HSPB8: variants seen among roughly 807,000 people sequenced by gnomAD.
HSPB8 encodes heat shock protein family B (small) member 8.
In HSPB8, 9 loss-of-function variants were observed where a neutral mutation model predicts 16.5. The ratio of observed to expected loss-of-function variants is 0.55; its 90% CI spans 0.33 to 0.95. The LOEUF (loss-of-function observed/expected upper bound fraction) is 0.95. Ranked by LOEUF, HSPB8 falls within the 40% of genes least tolerant of loss-of-function variation. The pLI is 0.03. For missense variants in HSPB8, 238 were observed against 251.2 expected (o/e 0.95, Z 0.35); for synonymous variants, 99 against 94.8 (o/e 1.04, Z -0.26).
intron 2 of HSPB8, among the ~76,000 whole-genome samples, chr12:119,188,171 C>T (rs1484173312): frequency 1.3e-5 from 2 of 151,944 alleles, no homozygotes; most frequent in East Asian, 3.8e-4. Flanking sequence ...TCATACATAC[C>T]TTCTCCCTAA....
At chr12:119,181,656 C>T (rs558523202) in intron 1 of HSPB8, among the ~76,000 whole-genome samples, 1 of 152,070 alleles carries the variant, frequency 6.6e-6, no homozygotes, top group South Asian at 2.1e-4. Flanking sequence ...TGTCAGGCAT[C>T]CAGGAAGGCC....
chr12:119,183,833 C>T (rs1333166961), intron 1 of HSPB8, among the ~76,000 whole-genome samples: 1 of 152,164 alleles, frequency 6.6e-6, no homozygotes, highest in Non-Finnish European at 1.5e-5. Context: ...TCCCTTCCCT[C>T]ACCCCAATAC....
chr12:119,181,017 T>A (rs1367989819), intron 1 of HSPB8, among the ~76,000 whole-genome samples: 2 of 152,216 alleles, frequency 1.3e-5, no homozygotes, highest in African/African-American at 2.4e-5. Flanking sequence ...ACCAGCAGGA[T>A]GTGCAAATTA....
At chr12:119,187,878 A>G (rs1954686663) in intron 2 of HSPB8, among the ~76,000 whole-genome samples, 1 of 152,208 alleles carries the variant, frequency 6.6e-6, no homozygotes, top group Non-Finnish European at 1.5e-5. Context: ...TAGGGCATCC[A>G]CAAAAATGAA....
intron 2 of HSPB8, among the ~76,000 whole-genome samples, chr12:119,191,426 C>A (rs975918674): frequency 5.9e-5 from 9 of 152,130 alleles, no homozygotes; most frequent in African/African-American, 2.2e-4. Context: ...GACTTTGTCT[C>A]CGCTTCAAAA....
intron 2 of HSPB8, 121 bp from the exon 3 acceptor site, chr12:119,193,578 C>A: frequency 1.9e-6 from 2 of 1,075,310 alleles, no homozygotes; most frequent in African/African-American, 1.6e-5. Context: ...AGGATTCAAA[C>A]CCAACATTGT....
chr12:119,191,034 T>C (rs984918298), intron 2 of HSPB8, among the ~76,000 whole-genome samples: 8 of 152,320 alleles, frequency 5.3e-5, no homozygotes, highest in East Asian at 1.9e-4. Context: ...AGCATTGTCA[T>C]GGACAATCAG....
At chr12:119,188,343 T>A (rs3782919) in intron 2 of HSPB8, among the ~76,000 whole-genome samples, 9,774 of 150,108 alleles carry the variant, frequency 0.065, 421 homozygotes, top group East Asian at 0.22. Context: ...GCCTCCTGGG[T>A]TCAAGCAATT....
At position 119,179,697 on chromosome 12, in the gene HSPB8, G is replaced by T; in HGVS notation, c.367+18G>T. ...GGTGTCTGGTAAGTCAGGGGCAGGA[G>T]GGAGAGAGAATGGGGAGGCCGGGAT... On this transcript the variant is annotated intron_variant, in intron 1 of 2. Coordinates refer to ENST00000281938, the MANE Select transcript of HSPB8 (RefSeq NM_014365.3). 2 of 1,558,054 alleles carry T rather than the reference G, an allele frequency of 1.3e-6. No individual in the cohort carries two copies. The highest frequency in any genetic ancestry group is 2.0e-5 in the Admixed American group (1 of 50,530).
At chr12:119,192,394 C>T (rs1036663028) in intron 2 of HSPB8, among the ~76,000 whole-genome samples, 24 of 152,192 alleles carry the variant, frequency 1.6e-4, no homozygotes, top group Middle Eastern at 3.4e-3. Flanking sequence ...CGGTGGCTCA[C>T]GCCTGTTATC....
chr12:119,189,977 C>T (rs1355777699), intron 2 of HSPB8, among the ~76,000 whole-genome samples: 2 of 152,164 alleles, frequency 1.3e-5, no homozygotes, highest in East Asian at 3.9e-4. Flanking sequence ...TTTTGAATCT[C>T]AGCTCCGGGT....
chr12:119,191,974 T>A (rs1954715269), intron 2 of HSPB8, among the ~76,000 whole-genome samples: 2 of 152,182 alleles, frequency 1.3e-5, no homozygotes, highest in South Asian at 4.2e-4. Context: ...GGGATTATTG[T>A]TAACACCAAA....
chr12:119,183,795 T>C (rs577325472), intron 1 of HSPB8, among the ~76,000 whole-genome samples: 7 of 152,248 alleles, frequency 4.6e-5, no homozygotes, highest in Admixed American at 4.6e-4. Flanking sequence ...CTTTTGGAAA[T>C]CTTGGAGCTT....
At position 119,179,151 on chromosome 12, in the gene HSPB8, A is replaced by G; in HGVS notation, c.-162A>G. 1 of 752,360 alleles carries G rather than the reference A, an allele frequency of 1.3e-6. No homozygotes were observed. The highest frequency in any genetic ancestry group is 1.5e-5 in the South Asian group (1 of 66,260). The allele number at this position is 752,360 out of a possible 1,614,324, so 46.6% of individuals were successfully genotyped here. The stretch of plus-strand genomic sequence containing the variant: ...GCTGGGACCCCAGTCGAGGGGACAC[A>G]ACCGTCCCTGGCAGTGGTTGGTTCT... On this transcript the variant is annotated 5_prime_UTR_variant, in exon 1 of 3. Transcript: ENST00000281938.
intron 2 of HSPB8, among the ~76,000 whole-genome samples, chr12:119,188,232 T>C (rs1026051667): frequency 2.2e-5 from 3 of 138,860 alleles, no homozygotes; most frequent in Middle Eastern, 3.7e-3. Context: ...CTAAACTCTC[T>C]CTCTCTCTCT....
intron 1 of HSPB8, among the ~76,000 whole-genome samples, chr12:119,180,865 G>C (rs780760727): frequency 6.6e-6 from 1 of 152,118 alleles, no homozygotes. Flanking sequence ...AGCCAGTCCT[G>C]GTAGAATTAT....
At chr12:119,186,646 A>G (rs1164991098) in intron 1 of HSPB8, among the ~76,000 whole-genome samples, 2 of 152,268 alleles carry the variant, frequency 1.3e-5, no homozygotes, top group East Asian at 3.9e-4. Flanking sequence ...GGGATGTCAG[A>G]CCCAGGGTTC....
At chr12:119,183,742 C>T (rs111699933) in intron 1 of HSPB8, among the ~76,000 whole-genome samples, 3 of 152,278 alleles carry the variant, frequency 2.0e-5, no homozygotes, top group African/African-American at 4.8e-5. Context: ...ATCCTCCTAG[C>T]AACACTCTCT....
At chr12:119,186,924 C>T in intron 1 of HSPB8, 101 bp from the exon 2 acceptor site, 1 of 1,117,924 alleles carries the variant, frequency 8.9e-7, no homozygotes, top group South Asian at 1.2e-5. Context: ...CTAAGTCACA[C>T]AGCAAGGCAG....
Sources: gnomAD v4.1 joint callset for allele counts (sites outside exome capture counted in the v4.1 genomes callset) on GRCh38, gnomAD v4.1.1 for gene constraint, MANE v1.5 for transcripts, NCBI Gene and HGNC (gene_info 2026-07-23, HGNC 2026-07-21) for gene names.